PHRF1: variants seen among roughly 807,000 people sequenced by gnomAD.
PHRF1 encodes PHD and RING finger domain-containing protein 1.
In PHRF1, 53 loss-of-function variants were observed where a neutral mutation model predicts 128.9. The ratio of observed to expected loss-of-function variants is 0.41; its 90% confidence interval spans 0.33 to 0.52. The LOEUF is 0.52. Ranked by LOEUF, PHRF1 falls within the 20% of genes least tolerant of loss-of-function variation. PHRF1 has a pLI of 0.21. For missense variants in PHRF1, 2,503 were observed against 2,284.5 expected (o/e 1.10, Z -1.95); for synonymous variants, 1,178 against 980.6 (o/e 1.20, Z -3.76).
intron 9 of PHRF1, among the ~76,000 whole-genome samples, chr11:599,245 TTTC>T (rs1185615673): frequency 2.8e-5 from 4 of 145,370 alleles, no homozygotes; most frequent in Admixed American, 7.1e-5. Flanking sequence ...TCTTTTTTTT[TTTC>T]TTTTCTTTTT....
At position 592,675 on chromosome 11, in the gene PHRF1, G is replaced by C; in HGVS notation, c.620+1G>C. 6.2e-7 allele frequency: 1 copy of C among 1,613,996 alleles called. No individual in the cohort carries two copies. The highest frequency in any genetic ancestry group is 8.5e-7 in the Non-Finnish European group (1 of 1,179,872). Reference sequence around the variant, plus strand: ...TGCTCTGCGACGGCTGCGATGCGGGGTAAGGGACGGTTGGGACTGGCACAC... The same window carrying C: ...TGCTCTGCGACGGCTGCGATGCGGGCTAAGGGACGGTTGGGACTGGCACAC... On this transcript the variant is annotated splice_donor_variant, in intron 6 of 17. Coordinates refer to ENST00000264555, the MANE Select transcript of PHRF1 (RefSeq NM_001286581.2). LOFTEE classifies it high-confidence loss of function.
At position 611,046 on chromosome 11, in the gene PHRF1, G is replaced by A. The variant is rs1334373886; in HGVS notation, c.4770G>A (p.Glu1590=). 3 of 1,613,178 alleles carry A rather than the reference G, an allele frequency of 1.9e-6. No individual in the cohort carries two copies. The highest frequency in any genetic ancestry group is 3.3e-5 in the Admixed American group (2 of 59,950). ...ACCAGAAGAGGGAGGTGACCAAGGA[G>A]GAGTACAAGGACATCCTGCGCAAGG... is the stretch of plus-strand genomic sequence containing the variant. ...PFYQKREVTK[E]EYKDILRKAV... The change falls in exon 17 of 18, where the codon GAG becomes GAA. Residue 1590 remains glutamate, a synonymous_variant. Transcript: ENST00000264555.
intron 9 of PHRF1, among the ~76,000 whole-genome samples, chr11:600,165 T>C (rs1445554954): frequency 6.6e-6 from 1 of 151,988 alleles, no homozygotes; most frequent in Non-Finnish European, 1.5e-5. Flanking sequence ...GTAAGATATC[T>C]AATGGTGCAC....
chr11:598,721 T>C (rs1855453832), intron 9 of PHRF1, among the ~76,000 whole-genome samples: 1 of 152,240 alleles, frequency 6.6e-6, no homozygotes, highest in African/African-American at 2.4e-5. Context: ...TGTGTCAGGG[T>C]GATGCCGGCC....
Position 597,719 on chromosome 11 carries a change from A to T in PHRF1, c.894+149A>T. ...TTGTTCGGCCTGCTGAGGGGAGCAG[A>T]TGAGTGCACCCCAGGGTGACCCCAG... On this transcript the variant is annotated intron_variant, in intron 8 of 17. Transcript: ENST00000264555. The surrounding 1 kb of genome is among the most constrained non-coding windows in gnomAD (Gnocchi z 6.5). 1 of 1,113,820 alleles carries T rather than the reference A, an allele frequency of 9.0e-7. No homozygotes were observed. Among genetic ancestry groups the T allele is most frequent in the Non-Finnish European group, 1.3e-6 (1 of 792,762 alleles). The allele number at this position is 1,113,820 out of a possible 1,614,324, so 69.0% of individuals were successfully genotyped here.
chr11:584,971 C>A (rs565790644), intron 3 of PHRF1, among the ~76,000 whole-genome samples: 16 of 152,254 alleles, frequency 1.1e-4, no homozygotes, highest in African/African-American at 3.6e-4. Context: ...CTCCTGACCT[C>A]AGGTGATCCA....
intron 3 of PHRF1, among the ~76,000 whole-genome samples, chr11:586,072 G>C (rs1162640349): frequency 6.6e-6 from 1 of 151,806 alleles, no homozygotes; most frequent in Non-Finnish European, 1.5e-5. Flanking sequence ...TGTTGGCCAG[G>C]CTGGTCTCAA....
chr11:602,633 A>G (rs981184047), intron 10 of PHRF1, among the ~76,000 whole-genome samples: 2 of 151,770 alleles, frequency 1.3e-5, no homozygotes. Flanking sequence ...GTGAGCCGAG[A>G]TTGCACCACT....
Position 608,849 on chromosome 11 carries a change from G to T in PHRF1, c.3393G>T (p.Arg1131Ser). 1 of 1,612,334 alleles carries T rather than the reference G, an allele frequency of 6.2e-7. No homozygotes were observed. Among genetic ancestry groups the T allele is most frequent in the East Asian group, 2.2e-5 (1 of 44,856 alleles). Residue 1131 changes from arginine (R) to serine (S), a missense_variant, in exon 14 of 18, where the codon AGG (arginine) becomes AGT (serine). Coordinates refer to ENST00000264555, the MANE Select transcript of PHRF1 (RefSeq NM_001286581.2). ...RECSPTSSLERLCRHKHQRER... is the reference protein window; with the variant it reads ...RECSPTSSLESLCRHKHQRER... ...GCTCCCCCACCAGCAGCCTGGAGAGGCTCTGCAGGCACAAGCATCAGCGGG... is the reference window on the plus strand; with the variant it reads ...GCTCCCCCACCAGCAGCCTGGAGAGTCTCTGCAGGCACAAGCATCAGCGGG...
intron 10 of PHRF1, among the ~76,000 whole-genome samples, chr11:602,478 C>G (rs1855682547): frequency 6.6e-6 from 1 of 152,064 alleles, no homozygotes; most frequent in African/African-American, 2.4e-5. Flanking sequence ...GTCAGGAGTT[C>G]AAGGCCAGCC....
intron 9 of PHRF1, among the ~76,000 whole-genome samples, chr11:601,307 T>C (rs574112056): frequency 1.3e-5 from 2 of 151,842 alleles, no homozygotes; most frequent in Admixed American, 1.3e-4. Context: ...TGCCTACCTG[T>C]AGTTCCAGCT....
In PHRF1 at chr11:598,368, T is replaced by C. The variant is rs189774430; in HGVS notation, c.895-5T>C. On this transcript the variant is annotated splice_polypyrimidine_tract_variant and splice_region_variant and intron_variant, in intron 8 of 17. Transcript: ENST00000264555. ...CATCTGACGGCACCACCCCTTTGCCTGTAGCACACACCAGGGCGCCTCGGG... is the reference window on the plus strand; with the variant it reads ...CATCTGACGGCACCACCCCTTTGCCCGTAGCACACACCAGGGCGCCTCGGG... 4.5e-4 allele frequency: 719 copies of C among 1,607,450 alleles called. 3 individuals carry two copies. In the Middle Eastern group the frequency reaches 0.013, roughly 29 times the overall value.
Position 611,629 on chromosome 11 carries a change from T to C in PHRF1, c.4807-5T>C, listed in dbSNP as rs1256219334. 1 of 1,612,864 alleles carries C rather than the reference T, an allele frequency of 6.2e-7. No homozygotes were observed. Among genetic ancestry groups the C allele is most frequent in the East Asian group, 2.2e-5 (1 of 44,880 alleles). On this transcript the variant is annotated splice_polypyrimidine_tract_variant and splice_region_variant and intron_variant, in intron 17 of 17. Transcript: ENST00000264555. ...GGCATTTGGTGATTGCACCTCTTTC[T>C]CCAGATCTGCCACAGCAAGAGTGGA...
chr11:577,771 C>T (rs1256340055), intron 1 of PHRF1, among the ~76,000 whole-genome samples: 1 of 152,256 alleles, frequency 6.6e-6, no homozygotes, highest in East Asian at 1.9e-4. Context: ...CACTCAGGTG[C>T]CGAGACTGGC....
intron 6 of PHRF1, among the ~76,000 whole-genome samples, chr11:594,260 G>A (rs956459345): frequency 6.6e-6 from 1 of 151,474 alleles, no homozygotes; most frequent in African/African-American, 2.5e-5. Context: ...CGGCCTGAGA[G>A]ACCATGGCAT....
At chr11:605,045 C>A in intron 10 of PHRF1, 74 bp from the exon 11 acceptor site, 1 of 1,420,116 alleles carries the variant, frequency 7.0e-7, no homozygotes, top group Non-Finnish European at 9.6e-7. Flanking sequence ...GAAGGCTTCA[C>A]GTGGCATTTA....
At chr11:589,904 G>A (rs759853521) in intron 4 of PHRF1, among the ~76,000 whole-genome samples, 4,479 of 148,856 alleles carry the variant, frequency 0.03, 1 homozygote, top group Non-Finnish European at 0.044. Flanking sequence ...GGCATGGAGC[G>A]TGCAGGGTTC....
intron 5 of PHRF1, among the ~76,000 whole-genome samples, 182 bp from the exon 6 acceptor site, chr11:592,377 C>T (rs7935754): frequency 0.039 from 5,986 of 152,330 alleles, 403 homozygotes; most frequent in African/African-American, 0.14. Context: ...TAGATCACCA[C>T]CCTGAGATGG....
chr11:585,744 G>C (rs111688385), intron 3 of PHRF1, among the ~76,000 whole-genome samples: 5 of 147,458 alleles, frequency 3.4e-5, no homozygotes, highest in African/African-American at 1.3e-4. Context: ...GCAGCAGCAC[G>C]ATCTCAGTTC....
Sources: allele counts gnomAD v4.1 joint callset (sites outside exome capture counted in the v4.1 genomes callset), GRCh38; gene constraint gnomAD v4.1.1; non-coding constraint Gnocchi (gnomAD v3.1); transcripts MANE v1.5; gene names NCBI Gene and HGNC (gene_info 2026-07-23, HGNC 2026-07-21).